ATP10B: variants seen among roughly 807,000 people sequenced by gnomAD.
The protein encoded by ATP10B is ATPase phospholipid transporting 10B (putative).
A neutral mutation model predicts 141.2 loss-of-function variants in ATP10B; 122 were observed. The ratio of observed to expected loss-of-function variants is 0.86; its 90% CI spans 0.75 to 1.00. The LOEUF (loss-of-function observed/expected upper bound fraction) is 1.00. Ranked by LOEUF, ATP10B falls within the 50% of genes least tolerant of loss-of-function variation. The pLI is 0.00. For synonymous variants in ATP10B, 685 were observed against 692.0 expected (o/e 0.99, Z 0.16); for missense variants, 1,876 against 1,825.3 (o/e 1.03, Z -0.51).
At position 160,605,912 on chromosome 5, in the gene ATP10B, G is replaced by A. The variant is rs964026791; in HGVS notation, c.3160+853C>T. 1.8e-4 allele frequency among the ~76,000 whole-genome samples: 27 copies of A among 152,324 alleles called. 1 individual carries two copies. Among genetic ancestry groups the A allele is most frequent in the African/African-American group, 6.0e-4 (25 of 41,568 alleles). ...GGTATGACAGTGCTTTGAGCTATGC[G>A]TACTGGGTGCTGTGGGAGCCCCCAG... On this transcript the variant is annotated intron_variant, in intron 19 of 25. Coordinates refer to ENST00000327245, the MANE Select transcript of ATP10B (RefSeq NM_025153.3).
chr5:160,927,908 C>G, the ATP10B span, among the ~76,000 whole-genome samples: 2 of 152,172 alleles, frequency 1.3e-5, no homozygotes, highest in East Asian at 3.8e-4. Flanking sequence ...AAGAGATGGC[C>G]TTTGAGCCGA....
At chr5:160,631,430 T>C (rs76002214) in intron 13 of ATP10B, among the ~76,000 whole-genome samples, 2,869 of 152,252 alleles carry the variant, frequency 0.019, 49 homozygotes, top group Middle Eastern at 0.041. Flanking sequence ...GAAAGGACAA[T>C]ACGCAGAAAG....
chr5:160,842,874 A>T lies in ATP10B; in HGVS notation c.-576+9067T>A, dbSNP rs145803251. ...GGCTGGTAATTTCTTCCAAGAGCTA[A>T]GGAGTACCATCAATCTTATACAAGT... is the stretch of plus-strand genomic sequence containing the variant. On this transcript the variant is annotated intron_variant, in intron 1 of 25. Transcript: ENST00000327245. Among the ~76,000 whole-genome samples the T allele has an allele frequency of 6.0e-3, 916 of 152,212 alleles. 13 individuals carry two copies. Among genetic ancestry groups the T allele is most frequent in the African/African-American group, 0.021 (872 of 41,546 alleles).
chr5:160,587,074 AT>A (rs1755956242), intron 24 of ATP10B, among the ~76,000 whole-genome samples: 1 of 152,100 alleles, frequency 6.6e-6, no homozygotes. Context: ...TAGGGCTTTT[AT>A]GGTTTTGGGT....
chr5:160,668,226 C>CAAAA (rs34528836), intron 7 of ATP10B, among the ~76,000 whole-genome samples: 51 of 112,718 alleles, frequency 4.5e-4, no homozygotes, highest in African/African-American at 1.6e-3. Context: ...CGAGACTGTC[C>CAAAA]AAAAAAAAAA....
intron 7 of ATP10B, among the ~76,000 whole-genome samples, chr5:160,649,970 A>G (rs1009884593): frequency 6.6e-6 from 1 of 151,814 alleles, no homozygotes. Context: ...TTAGCCAGGC[A>G]TGGTGGTGTG....
At position 160,852,146 on chromosome 5, in the gene ATP10B, G is replaced by C. The variant is rs1753848693; in HGVS notation, c.-781C>G. 1 of 152,128 alleles carries C rather than the reference G, an allele frequency of 6.6e-6. No individual in the cohort carries two copies. Among genetic ancestry groups the C allele is most frequent in the South Asian group, 2.1e-4 (1 of 4,828 alleles). The allele number at this position is 152,128 out of a possible 1,614,324, so 9.4% of individuals were successfully genotyped here. A position where few individuals can be genotyped will look rare whatever the true frequency, so the allele number is the denominator to read the frequency against. ...CTTAGAGAAGATGACACACTGAAAA[G>C]AAATAACTGTGACCAATGAAAGAAA... is the stretch of plus-strand genomic sequence containing the variant. On this transcript the variant is annotated 5_prime_UTR_variant, in exon 1 of 26. Transcript: ENST00000327245.
intron 6 of ATP10B, among the ~76,000 whole-genome samples, chr5:160,676,560 T>C (rs1031279112): frequency 6.6e-6 from 1 of 152,238 alleles, no homozygotes; most frequent in Admixed American, 6.5e-5. Context: ...CTGGGTCTTA[T>C]ATTTCTATAT....
intron 1 of ATP10B, among the ~76,000 whole-genome samples, chr5:160,805,175 C>G (rs1198809563): frequency 1.3e-5 from 2 of 152,118 alleles, no homozygotes; most frequent in African/African-American, 4.8e-5. Context: ...GAAAGAAGAG[C>G]TTTAAAGACT....
the ATP10B span, among the ~76,000 whole-genome samples, chr5:160,879,893 T>C: frequency 6.6e-6 from 1 of 152,050 alleles, no homozygotes; most frequent in Non-Finnish European, 1.5e-5. Context: ...AGTGATTGTA[T>C]CAAGGTTTCA....
At chr5:160,874,567 C>A in the ATP10B span, among the ~76,000 whole-genome samples, 1 of 152,082 alleles carries the variant, frequency 6.6e-6, no homozygotes, top group Non-Finnish European at 1.5e-5. Flanking sequence ...AAGAAGGCTT[C>A]AGATGATCAA....
At chr5:160,602,511 G>C in intron 21 of ATP10B, 66 bp downstream of exon 21, 2 of 1,606,332 alleles carry the variant, frequency 1.2e-6, no homozygotes, top group Non-Finnish European at 1.7e-6. Flanking sequence ...CACTGCTAGG[G>C]AGAGATCTGG....
At chr5:160,896,931 A>G in the ATP10B span, among the ~76,000 whole-genome samples, 1 of 152,234 alleles carries the variant, frequency 6.6e-6, no homozygotes, top group Non-Finnish European at 1.5e-5. Flanking sequence ...AACAGAACCA[A>G]TGACAAACAC....
intron 1 of ATP10B, among the ~76,000 whole-genome samples, chr5:160,820,407 A>T (rs1475545632): frequency 6.6e-6 from 1 of 151,902 alleles, no homozygotes; most frequent in Non-Finnish European, 1.5e-5. Context: ...TACCCAGAAA[A>T]AAACAAAAAA....
intron 22 of ATP10B, among the ~76,000 whole-genome samples, chr5:160,594,228 A>G (rs1756523055): frequency 6.6e-6 from 1 of 152,232 alleles, no homozygotes; most frequent in Non-Finnish European, 1.5e-5. Context: ...AGTGGGGGCC[A>G]ATATTCAACA....
At chr5:160,863,289 C>G in the ATP10B span, among the ~76,000 whole-genome samples, 1 of 151,592 alleles carries the variant, frequency 6.6e-6, no homozygotes, top group Non-Finnish European at 1.5e-5. Flanking sequence ...GGTTACAACA[C>G]AGAAAGGTGA....
rs373731143 is a variant in ATP10B at position 160,706,511 on chromosome 5, C to A, written c.-205+10398G>T. On this transcript the variant is annotated intron_variant, in intron 3 of 25. Coordinates refer to ENST00000327245, the MANE Select transcript of ATP10B (RefSeq NM_025153.3). ...AAAATGAGGTCCCCACTGTGCATCC[C>A]AGACACCTTGGCTCTTGATTTTTCT... Among the ~76,000 whole-genome samples, 3 of 152,268 alleles carry A rather than the reference C, an allele frequency of 2.0e-5. 1 individual carries two copies. The highest frequency in any genetic ancestry group is 4.4e-5 in the Non-Finnish European group (3 of 68,020).
intron 1 of ATP10B, among the ~76,000 whole-genome samples, chr5:160,832,679 G>A (rs988238556): frequency 6.6e-6 from 1 of 151,960 alleles, no homozygotes; most frequent in Admixed American, 6.6e-5. Flanking sequence ...AGCTAAATAA[G>A]CCACACGATT....
intron 22 of ATP10B, among the ~76,000 whole-genome samples, chr5:160,591,515 T>G (rs1756292466): frequency 6.6e-6 from 1 of 152,204 alleles, no homozygotes; most frequent in South Asian, 2.1e-4. Flanking sequence ...TTAGTTCTTT[T>G]GCTACTGTTG....
Sources: gnomAD v4.1 joint callset for allele counts (sites outside exome capture counted in the v4.1 genomes callset) on GRCh38, gnomAD v4.1.1 for gene constraint, MANE v1.5 for transcripts, NCBI Gene and HGNC (gene_info 2026-07-23, HGNC 2026-07-21) for gene names.